Variants in FAM98B observed in about 807,000 individuals in gnomAD.
The protein encoded by FAM98B is tRNA splicing ligase complex subunit 3B.
FAM98B carries 32 observed loss-of-function variants against 43.9 expected under a neutral mutation model. That is an observed-to-expected ratio of 0.73 (90% CI 0.55 to 0.98). The LOEUF (loss-of-function observed/expected upper bound fraction) is 0.98, where lower values mean the gene tolerates loss of function less well. FAM98B is among the 50% of genes least tolerant of loss of function. The pLI, the probability that FAM98B is intolerant of heterozygous loss-of-function variation, is 0.00. For synonymous variants in FAM98B, 190 were observed against 174.0 expected, an observed-to-expected ratio of 1.09 and a Z score of -0.72; for missense variants, 514 against 522.9, an observed-to-expected ratio of 0.98 and a Z score of 0.17.
chr15:38,463,580 A>G (rs949030117), intron 1 of FAM98B, among the ~76,000 whole-genome samples: 7 of 152,084 alleles, frequency 4.6e-5, no homozygotes, highest in African/African-American at 1.4e-4. Flanking sequence ...AAAATGATCT[A>G]ATAGATTCTT....
chr15:38,454,345 C>A, intron 1 of FAM98B, 113 bp downstream of exon 1: 1 of 1,063,332 alleles, frequency 9.4e-7, no homozygotes, highest in Non-Finnish European at 1.4e-6. Flanking sequence ...TGTAGGCCTC[C>A]TTCCCTGCCT....
At chr15:38,461,614 C>T (rs1484530952) in intron 1 of FAM98B, among the ~76,000 whole-genome samples, 4 of 152,026 alleles carry the variant, frequency 2.6e-5, no homozygotes, top group Non-Finnish European at 5.9e-5. Context: ...GTCATGAAGT[C>T]TTAGTTTCTT....
chr15:38,469,483 T>C (rs1890090765), intron 3 of FAM98B, among the ~76,000 whole-genome samples: 1 of 152,170 alleles, frequency 6.6e-6, no homozygotes. Flanking sequence ...TTCTTGTCTG[T>C]TCTTAAATTG....
At chr15:38,476,189 A>T (rs1890196907) in intron 6 of FAM98B, among the ~76,000 whole-genome samples, 3 of 152,200 alleles carry the variant, frequency 2.0e-5, no homozygotes, top group African/African-American at 7.2e-5. Context: ...TTCTCTAAGA[A>T]TATTGAAGGC....
Position 38,454,160 on chromosome 15 carries a change from C to G in FAM98B, c.-2C>G. ...CGCCGAACAGCTCTGGGCCAAAGGA[C>G]CATGAGAGGGCCGGAGCCGGGTCCC... On this transcript the variant is annotated 5_prime_UTR_variant, in exon 1 of 8. Coordinates refer to ENST00000397609, the MANE Select transcript of FAM98B (RefSeq NM_173611.4). The G allele has an allele frequency of 6.3e-7, 1 of 1,595,090 alleles. No homozygotes were observed. Among genetic ancestry groups the G allele is most frequent in the Non-Finnish European group, 8.5e-7 (1 of 1,172,434 alleles).
chr15:38,471,296 A>T (rs144487378), intron 4 of FAM98B, among the ~76,000 whole-genome samples: 1,746 of 151,988 alleles, frequency 0.011, 20 homozygotes, highest in Non-Finnish European at 0.019. Context: ...TATTAAAAAA[A>T]TTTTTTTTGG....
rs149278147 is a variant in FAM98B, at chr15:38,471,085, A to G, written c.531+680A>G. 1.9e-3 allele frequency among the ~76,000 whole-genome samples: 292 copies of G among 152,212 alleles called. 3 individuals carry two copies. Among genetic ancestry groups the G allele is most frequent in the African/African-American group, 6.7e-3 (279 of 41,574 alleles). On this transcript the variant is annotated intron_variant, in intron 4 of 7. Transcript: ENST00000397609. Reference sequence around the variant, plus strand: ...GTTAAATATGCAGTCCTCTAGGGGAAGAATACAGGATTCATTTTAAAGGAA... The same window carrying G: ...GTTAAATATGCAGTCCTCTAGGGGAGGAATACAGGATTCATTTTAAAGGAA...
At chr15:38,470,497 G>C in intron 4 of FAM98B, 92 bp downstream of exon 4, 1 of 1,178,184 alleles carries the variant, frequency 8.5e-7, no homozygotes, top group Non-Finnish European at 1.2e-6. Flanking sequence ...ATAATTATGA[G>C]GTATACATTT....
intron 6 of FAM98B, among the ~76,000 whole-genome samples, chr15:38,475,398 C>A (rs573006020): frequency 1.3e-5 from 2 of 152,270 alleles, no homozygotes; most frequent in East Asian, 3.9e-4. Flanking sequence ...CAGATTTATT[C>A]TCTTAAAATT....
chr15:38,474,101 A>G, intron 5 of FAM98B, 81 bp from the exon 6 acceptor site: 1 of 989,024 alleles, frequency 1.0e-6, no homozygotes, highest in Non-Finnish European at 1.6e-6. Flanking sequence ...AGTAGGAAGT[A>G]CTTAGCACAA....
In FAM98B at chr15:38,484,443, A is replaced by C. The variant is rs1595806126; in HGVS notation, c.1086A>C (p.Gly362=). The C allele has an allele frequency of 2.3e-6, 1 of 429,656 alleles. No homozygotes were observed. Among genetic ancestry groups the C allele is most frequent in the Non-Finnish European group, 2.6e-6 (1 of 378,282 alleles). 26.6% of individuals were successfully genotyped at this position (429,656 alleles called of 1,614,324 possible). A position where few individuals can be genotyped will look rare whatever the true frequency, so the allele number is the denominator to read the frequency against. Residue 362 remains glycine (G), a synonymous_variant, in exon 8 of 8, where the codon GGA becomes GGC. Coordinates refer to ENST00000397609, the MANE Select transcript of FAM98B (RefSeq NM_173611.4). ...GTGGGAGAGGTGGCTGGGGGGGTGG[A>C]GGAGGAGGTTGGGGAGGTGGTGGGG... The part of the protein sequence containing the change: ...GGGGRGGWGG[G]GGGWGGGGGG...
chr15:38,462,321 A>G (rs192363254), intron 1 of FAM98B, among the ~76,000 whole-genome samples: 72 of 152,340 alleles, frequency 4.7e-4, no homozygotes, highest in Middle Eastern at 3.4e-3. Flanking sequence ...TACAAGATTA[A>G]AATTGCAAAC....
At chr15:38,456,635 CAGG>C (rs1317458011) in intron 1 of FAM98B, among the ~76,000 whole-genome samples, 1 of 152,092 alleles carries the variant, frequency 6.6e-6, no homozygotes, top group Non-Finnish European at 1.5e-5. Context: ...GGTGATGTAA[CAGG>C]AGGATCTAAG....
intron 1 of FAM98B, among the ~76,000 whole-genome samples, chr15:38,455,403 C>G (rs536566387): frequency 1.3e-5 from 2 of 152,298 alleles, no homozygotes; most frequent in African/African-American, 4.8e-5. Flanking sequence ...ATCCCACACC[C>G]CACTTTATCT....
In FAM98B at chr15:38,484,360, A is replaced by AGGGGTGGTT; in HGVS notation, c.1012_1020dup (p.Trp338_Gly340dup). 1.3e-6 allele frequency: 2 copies of AGGGGTGGTT among 1,489,692 alleles called. No homozygotes were observed. Among genetic ancestry groups the AGGGGTGGTT allele is most frequent in the Middle Eastern group, 4.7e-4 (2 of 4,252 alleles). The allele number at this position is 1,489,692 out of a possible 1,614,324, so 92.3% of individuals were successfully genotyped here. ...AAAGAGACAAGAAGGCGGCGGTGGA[A>AGGGGTGGTT]GGGGTGGTTGGGGTGGTGGTGGTGG... On this transcript the variant is annotated inframe_insertion, in exon 8 of 8. Coordinates refer to ENST00000397609, the MANE Select transcript of FAM98B (RefSeq NM_173611.4).
intron 3 of FAM98B, among the ~76,000 whole-genome samples, chr15:38,466,938 CTCT>C (rs1400491890): frequency 6.6e-6 from 1 of 152,120 alleles, no homozygotes; most frequent in Non-Finnish European, 1.5e-5. Flanking sequence ...TCTCCTCCTC[CTCT>C]TCATTTGATG....
At chr15:38,468,218 A>G (rs529691903) in intron 3 of FAM98B, among the ~76,000 whole-genome samples, 2 of 152,308 alleles carry the variant, frequency 1.3e-5, no homozygotes, top group African/African-American at 4.8e-5. Flanking sequence ...AAAACTGGCA[A>G]TCTGTTTTAA....
chr15:38,476,538 CT>C (rs1566900433), intron 6 of FAM98B, among the ~76,000 whole-genome samples: 1 of 150,176 alleles, frequency 6.7e-6, no homozygotes, highest in African/African-American at 2.5e-5. Context: ...TTTCTCTCTC[CT>C]TTTTTAATTC....
At chr15:38,457,780 G>A (rs1280903653) in intron 1 of FAM98B, among the ~76,000 whole-genome samples, 4 of 152,096 alleles carry the variant, frequency 2.6e-5, no homozygotes, top group Admixed American at 1.3e-4. Context: ...TGAATGGGTG[G>A]CAAATCTGAG....
Sources: allele counts gnomAD v4.1 joint callset (sites outside exome capture counted in the v4.1 genomes callset), GRCh38; gene constraint gnomAD v4.1.1; transcripts MANE v1.5; gene names NCBI Gene and HGNC (gene_info 2026-07-23, HGNC 2026-07-21).